The following MKLN1 variants were observed in gnomAD, a reference collection of about 807,000 sequenced individuals.
The protein encoded by MKLN1 is muskelin 1.
A neutral mutation model predicts 99.0 loss-of-function variants in MKLN1; 18 were observed. The observed-to-expected ratio is 0.18, with a 90% CI of 0.13 to 0.27. The LOEUF (loss-of-function observed/expected upper bound fraction) is 0.27, where lower values mean the gene tolerates loss of function less well. Ranked by LOEUF, MKLN1 falls within the 10% of genes least tolerant of loss-of-function variation. MKLN1 has a pLI of 1.00. For synonymous variants in MKLN1, 288 were observed against 293.2 expected, an observed-to-expected ratio of 0.98 and a Z score of 0.18; for missense variants, 621 against 875.9, an observed-to-expected ratio of 0.71 and a Z score of 3.67.
At chr7:131,384,340 G>T (rs1793944268) in intron 2 of MKLN1, among the ~76,000 whole-genome samples, 1 of 151,262 alleles carries the variant, frequency 6.6e-6, no homozygotes, top group South Asian at 2.1e-4. Flanking sequence ...GATTAGGGTG[G>T]CCTATAAATC....
intron 3 of MKLN1, among the ~76,000 whole-genome samples, chr7:131,320,141 A>G (rs1798748272): frequency 6.6e-6 from 1 of 152,228 alleles, no homozygotes; most frequent in Non-Finnish European, 1.5e-5. Flanking sequence ...AGCAAAAATA[A>G]CAAAGTTGGA....
chr7:131,388,953 T>G lies in MKLN1; in HGVS notation c.381T>G (p.Pro127=). ...ATAAAATTGATGAACAGATGTTCCC[T>G]TGTCGATTCATTAAAATAGGTAAGA... ...LKHKIDEQMF[P]CRFIKIVPLL... Residue 127 remains proline, a synonymous_variant, in exon 4 of 18, where the codon CCT becomes CCG. Coordinates refer to ENST00000352689, the MANE Select transcript of MKLN1 (RefSeq NM_013255.5). The G allele has an allele frequency of 1.2e-6, 2 of 1,603,856 alleles. No individual in the cohort carries two copies. Among genetic ancestry groups the G allele is most frequent in the South Asian group, 2.2e-5 (2 of 89,516 alleles).
At chr7:131,414,564 A>G in intron 7 of MKLN1, 81 bp from the exon 8 acceptor site, 1 of 954,810 alleles carries the variant, frequency 1.0e-6, no homozygotes, top group Non-Finnish European at 1.6e-6. Context: ...TTTACTACTG[A>G]TTACAGACTT....
At chr7:131,178,104 C>T (rs1211771532) in intron 2 of MKLN1, among the ~76,000 whole-genome samples, 1 of 151,944 alleles carries the variant, frequency 6.6e-6, no homozygotes, top group East Asian at 1.9e-4. Flanking sequence ...CCACTAACTT[C>T]TGCTTACAAC....
chr7:131,237,462 T>C (rs1262698004), intron 3 of MKLN1, among the ~76,000 whole-genome samples: 2 of 152,086 alleles, frequency 1.3e-5, no homozygotes, highest in African/African-American at 4.8e-5. Flanking sequence ...GGTGACATAG[T>C]AGATATTAGG....
At chr7:131,253,794 T>G (rs190800520) in intron 3 of MKLN1, among the ~76,000 whole-genome samples, 1 of 152,292 alleles carries the variant, frequency 6.6e-6, no homozygotes, top group Admixed American at 6.5e-5. Flanking sequence ...CAGAGAGTTC[T>G]TATAAACAAC....
intron 6 of MKLN1, among the ~76,000 whole-genome samples, chr7:131,409,622 G>T (rs960393307): frequency 6.6e-6 from 1 of 152,160 alleles, no homozygotes; most frequent in Non-Finnish European, 1.5e-5. Flanking sequence ...TAGGGGGAGT[G>T]CTCTAAATTG....
Position 131,252,355 on chromosome 7 carries a change from G to A in MKLN1, c.-179+49381G>A, listed in dbSNP as rs889272847. ...TTTTTTTTTTTTTTTTTGAGATGGA[G>A]TCTTGCTCCATCACCCAGGCTGGAG... On this transcript the variant is annotated intron_variant, in intron 3 of 7. Transcript: ENST00000416992. 2.3e-4 allele frequency among the ~76,000 whole-genome samples: 26 copies of A among 114,704 alleles called. 1 individual carries two copies. Among genetic ancestry groups the A allele is most frequent in the Non-Finnish European group, 5.3e-5 (3 of 56,420 alleles). 75.3% of individuals were successfully genotyped at this position (114,704 alleles called of 152,430 possible).
At chr7:131,192,218 TAAAATATATACA>T (rs1252879327) in intron 2 of MKLN1, among the ~76,000 whole-genome samples, 1 of 67,036 alleles carries the variant, frequency 1.5e-5, no homozygotes, top group African/African-American at 7.3e-5. Flanking sequence ...TATAAATATA[TAAAATATATACA>T]ATATATAAAT....
At chr7:131,300,855 G>A (rs1348549361) in intron 3 of MKLN1, among the ~76,000 whole-genome samples, 1 of 152,124 alleles carries the variant, frequency 6.6e-6, no homozygotes, top group African/African-American at 2.4e-5. Flanking sequence ...TGATGGATAC[G>A]GTGGGAAGGC....
chr7:131,200,290 G>C lies in MKLN1; in HGVS notation c.-296-2567G>C, dbSNP rs1348067029. 1.3e-5 allele frequency among the ~76,000 whole-genome samples: 2 copies of C among 152,182 alleles called. 1 individual carries two copies. The highest frequency in any genetic ancestry group is 1.3e-4 in the Admixed American group (2 of 15,264). On this transcript the variant is annotated intron_variant, in intron 2 of 7. Coordinates refer to the MKLN1 transcript ENST00000416992. ...ATTATTTCTTTATGAAAAGGAAAGA[G>C]TAAAATTCCCCTTCCTCACTCCTAA...
chr7:131,378,904 G>A (rs1275401299), intron 2 of MKLN1, among the ~76,000 whole-genome samples: 1 of 145,160 alleles, frequency 6.9e-6, no homozygotes, highest in Non-Finnish European at 1.5e-5. Context: ...TTTTTTGGAA[G>A]CTGGAACCTT....
At chr7:131,268,999 A>C (rs761682533) in intron 3 of MKLN1, among the ~76,000 whole-genome samples, 1 of 152,208 alleles carries the variant, frequency 6.6e-6, no homozygotes, top group African/African-American at 2.4e-5. Flanking sequence ...CAGAGTTCCA[A>C]GATACCTGGA....
intron 9 of MKLN1, among the ~76,000 whole-genome samples, chr7:131,431,816 C>G (rs1795529881): frequency 6.6e-6 from 1 of 152,342 alleles, no homozygotes; most frequent in East Asian, 1.9e-4. Context: ...CCAGCCTCAT[C>G]TCCCATGTGC....
chr7:131,447,737 G>A (rs1796056549), intron 12 of MKLN1, among the ~76,000 whole-genome samples: 1 of 152,160 alleles, frequency 6.6e-6, no homozygotes, highest in Non-Finnish European at 1.5e-5. Context: ...TAGCTAGTAG[G>A]TAATGTATTC....
chr7:131,284,914 C>T (rs1046109515), intron 3 of MKLN1: 2 of 152,236 alleles, frequency 1.3e-5, no homozygotes, highest in Non-Finnish European at 2.9e-5. Flanking sequence ...CAGGCTAGAA[C>T]GCTCTGTCCT....
chr7:131,348,186 C>A (rs1003682425), intron 1 of MKLN1, among the ~76,000 whole-genome samples: 3 of 152,122 alleles, frequency 2.0e-5, no homozygotes, highest in Non-Finnish European at 2.9e-5. Flanking sequence ...TTGTGATTTG[C>A]CATATGACAT....
intron 3 of MKLN1, among the ~76,000 whole-genome samples, chr7:131,312,097 A>C (rs1798577430): frequency 6.6e-6 from 1 of 152,014 alleles, no homozygotes; most frequent in Non-Finnish European, 1.5e-5. Context: ...ATCTCAGCTC[A>C]CTGCAACCTC....
chr7:131,328,558 G>A (rs1047825901), intron 1 of MKLN1, among the ~76,000 whole-genome samples: 1 of 152,190 alleles, frequency 6.6e-6, no homozygotes, highest in African/African-American at 2.4e-5. Context: ...CCTAGCAGGC[G>A]GGGAGAACTT....
Sources: gnomAD v4.1 joint callset for allele counts (sites outside exome capture counted in the v4.1 genomes callset) on GRCh38, gnomAD v4.1.1 for gene constraint, MANE v1.5 for transcripts, NCBI Gene and HGNC (gene_info 2026-07-23, HGNC 2026-07-21) for gene names.